The following BTBD16 variants were observed in gnomAD, a reference collection of about 807,000 sequenced individuals.
The protein encoded by BTBD16 is BTB domain containing 16.
A neutral mutation model predicts 67.4 loss-of-function variants in BTBD16; 66 were observed. The observed-to-expected ratio is 0.98, with a 90% confidence interval of 0.80 to 1.20. The LOEUF is 1.20. Among genes scored for constraint, BTBD16 ranks in the 50% most tolerant of loss-of-function variants. BTBD16 has a pLI of 0.00. For missense variants in BTBD16, 634 were observed against 616.0 expected (o/e 1.03, Z -0.31); for synonymous variants, 242 against 236.4 (o/e 1.02, Z -0.22).
At chr10:122,305,315 T>C (rs2421010) in intron 9 of BTBD16, among the ~76,000 whole-genome samples, 78,112 of 151,696 alleles carry the variant, frequency 0.51, 20,681 homozygotes, top group East Asian at 0.88. Context: ...AAATCTCACA[T>C]TGAATTGTAA....
At chr10:122,301,619 G>T (rs1438555440) in intron 9 of BTBD16, among the ~76,000 whole-genome samples, 1 of 152,216 alleles carries the variant, frequency 6.6e-6, no homozygotes, top group Non-Finnish European at 1.5e-5. Context: ...TTCAGGAAGA[G>T]GGGGGCTTGT....
At chr10:122,311,339 G>A (rs1009725981) in intron 10 of BTBD16, among the ~76,000 whole-genome samples, 1 of 152,132 alleles carries the variant, frequency 6.6e-6, no homozygotes, top group Non-Finnish European at 1.5e-5. Context: ...ACACACCTGT[G>A]TGCACATAAA....
intron 12 of BTBD16, chr10:122,331,892 G>A (rs1001967706): frequency 3.2e-5 from 5 of 155,438 alleles, no homozygotes; most frequent in South Asian, 4.0e-4. Context: ...TCTCGACTCC[G>A]TGGAAGGAGG....
intron 10 of BTBD16, among the ~76,000 whole-genome samples, chr10:122,313,753 C>A (rs946530416): frequency 5.9e-5 from 9 of 152,170 alleles, no homozygotes; most frequent in Non-Finnish European, 4.4e-5. Context: ...CACAATTGAT[C>A]CAGCACCGTT....
chr10:122,307,389 C>A, intron 10 of BTBD16, 81 bp downstream of exon 10: 1 of 1,363,286 alleles, frequency 7.3e-7, no homozygotes, highest in Non-Finnish European at 9.8e-7. Flanking sequence ...CGGGGGAAAA[C>A]CATCAGTGAT....
At chr10:122,313,402 T>C (rs1326512007) in intron 10 of BTBD16, among the ~76,000 whole-genome samples, 1 of 151,596 alleles carries the variant, frequency 6.6e-6, no homozygotes, top group Admixed American at 6.6e-5. Flanking sequence ...GTAGCTGGGA[T>C]TACAGGCACG....
At chr10:122,290,216 T>G (rs2096371406) in intron 6 of BTBD16, among the ~76,000 whole-genome samples, 1 of 152,172 alleles carries the variant, frequency 6.6e-6, no homozygotes, top group African/African-American at 2.4e-5. Flanking sequence ...AAAGAGAGGT[T>G]CTTGTCATTG....
At chr10:122,282,064 A>G (rs1223809184) in intron 3 of BTBD16, among the ~76,000 whole-genome samples, 1 of 152,196 alleles carries the variant, frequency 6.6e-6, no homozygotes, top group Non-Finnish European at 1.5e-5. Context: ...GACGAATGGT[A>G]TATCTTGACA....
At chr10:122,331,052 G>A in intron 11 of BTBD16, 124 bp from the exon 12 acceptor site, 14 of 1,301,372 alleles carry the variant, frequency 1.1e-5, no homozygotes, top group Non-Finnish European at 1.3e-5. Flanking sequence ...AACCTTAAAG[G>A]AGACCATCCA....
chr10:122,329,250 G>A (rs1294845111), intron 10 of BTBD16, among the ~76,000 whole-genome samples: 1 of 152,082 alleles, frequency 6.6e-6, no homozygotes. Context: ...TAGATGCCGA[G>A]GGGACTATAA....
At chr10:122,333,877 G>A (rs947117842) in intron 13 of BTBD16, among the ~76,000 whole-genome samples, 2 of 152,130 alleles carry the variant, frequency 1.3e-5, no homozygotes, top group Non-Finnish European at 2.9e-5. Context: ...TCTCGAGGTA[G>A]CCTCCAGGGT....
chr10:122,299,008 A>G lies in BTBD16; in HGVS notation c.665A>G (p.Lys222Arg). The change falls in exon 9 of 16, where the codon AAG becomes AGG. Residue 222 changes from lysine (K) to arginine (R), a missense_variant. Coordinates refer to ENST00000260723, the MANE Select transcript of BTBD16 (RefSeq NM_144587.5). ...ACTGGCTTTTTTTTGTCTTAGTACA[A>G]GGAAGAGCAGCTCACCACCGGCTGC... ...KKFYEAGCKY[K>R]EEQLTTGCEK... is the part of the protein sequence containing the mutation. 3 of 1,613,758 alleles carry G rather than the reference A, an allele frequency of 1.9e-6. No individual in the cohort carries two copies. Among genetic ancestry groups the G allele is most frequent in the South Asian group, 1.1e-5 (1 of 91,048 alleles).
At chr10:122,274,943 T>C (rs2142039949) in intron 1 of BTBD16, 97 bp from the exon 2 acceptor site, 1 of 758,972 alleles carries the variant, frequency 1.3e-6, no homozygotes, top group Non-Finnish European at 2.3e-6. Flanking sequence ...TTATTCATTA[T>C]TGTTCCTGTG....
chr10:122,277,540 A>G (rs1218213752), intron 3 of BTBD16, among the ~76,000 whole-genome samples: 1 of 152,180 alleles, frequency 6.6e-6, no homozygotes. Context: ...GCATGGCGCC[A>G]GCATCTGCTC....
chr10:122,275,163 G>C (rs2096337766), intron 2 of BTBD16, 64 bp downstream of exon 2: 1 of 1,527,164 alleles, frequency 6.5e-7, no homozygotes, highest in South Asian at 1.1e-5. Flanking sequence ...TGGTCATTTT[G>C]ACAAATTTCC....
At chr10:122,287,297 T>G in intron 5 of BTBD16, 3 of 398,608 alleles carry the variant, frequency 7.5e-6, no homozygotes, top group Non-Finnish European at 1.0e-5. Context: ...AGGCCATCAG[T>G]GAAAGGCTCT....
intron 10 of BTBD16, among the ~76,000 whole-genome samples, chr10:122,309,270 G>A (rs1195728662): frequency 6.6e-6 from 1 of 152,052 alleles, no homozygotes; most frequent in East Asian, 1.9e-4. Flanking sequence ...GGGACTACAA[G>A]AGCATGTAGC....
intron 10 of BTBD16, among the ~76,000 whole-genome samples, chr10:122,311,608 G>C (rs138083685): frequency 6.6e-6 from 1 of 152,326 alleles, no homozygotes; most frequent in African/African-American, 2.4e-5. Flanking sequence ...ATCGGAGAAA[G>C]GGCAGAAGCA....
At chr10:122,302,330 T>G (rs1285856766) in intron 9 of BTBD16, among the ~76,000 whole-genome samples, 1 of 152,118 alleles carries the variant, frequency 6.6e-6, no homozygotes, top group Non-Finnish European at 1.5e-5. Context: ...AGGTCACTGT[T>G]GGGTTACACT....
Sources: gnomAD v4.1 joint callset for allele counts (sites outside exome capture counted in the v4.1 genomes callset) on GRCh38, gnomAD v4.1.1 for gene constraint, MANE v1.5 for transcripts, NCBI Gene and HGNC (gene_info 2026-07-23, HGNC 2026-07-21) for gene names.